Variants in STXBP6 observed in about 807,000 individuals in gnomAD.
STXBP6 encodes the protein syntaxin binding protein 6.
A neutral mutation model predicts 26.9 loss-of-function variants in STXBP6; 21 were observed. The ratio of observed to expected loss-of-function variants is 0.78; its 90% CI spans 0.55 to 1.12. The LOEUF is 1.12. Among genes scored for constraint, STXBP6 ranks in the 50% most tolerant of loss-of-function variants. The pLI is 0.00. For synonymous variants in STXBP6, 97 were observed against 92.6 expected (o/e 1.05, Z -0.27); for missense variants, 232 against 257.9 (o/e 0.90, Z 0.69).
rs74598516 is a variant in STXBP6, at chr14:24,978,419, C to T, written c.-32-3569G>A. ...GGAGAGAATATAGGAAGACAATGCACAGGATTTTTTTCTCTCCATCTAAGC... is the reference window on the plus strand; with the variant it reads ...GGAGAGAATATAGGAAGACAATGCATAGGATTTTTTTCTCTCCATCTAAGC... On this transcript the variant is annotated intron_variant, in intron 1 of 5. Coordinates refer to ENST00000323944, the MANE Select transcript of STXBP6 (RefSeq NM_001394410.1). Among the ~76,000 whole-genome samples the T allele has an allele frequency of 4.1e-3, 621 of 152,290 alleles. 13 individuals carry two copies. The East Asian group carries it at 0.042, about 10-fold the overall frequency.
At chr14:24,890,307 C>T (rs373481889) in intron 2 of STXBP6, among the ~76,000 whole-genome samples, 1 of 152,176 alleles carries the variant, frequency 6.6e-6, no homozygotes, top group African/African-American at 2.4e-5. Flanking sequence ...TCCTTCTAGC[C>T]CCTGCAGTAC....
chr14:25,012,862 T>A (rs1458707962), intron 1 of STXBP6, among the ~76,000 whole-genome samples: 2 of 152,100 alleles, frequency 1.3e-5, no homozygotes, highest in Non-Finnish European at 1.5e-5. Context: ...AGGTTATATA[T>A]CAAAAGGATT....
intron 2 of STXBP6, among the ~76,000 whole-genome samples, chr14:24,934,798 G>A (rs2072539551): frequency 6.6e-6 from 1 of 152,030 alleles, no homozygotes; most frequent in Non-Finnish European, 1.5e-5. Context: ...AATCAATAAA[G>A]TCACTCTCTA....
intron 2 of STXBP6, among the ~76,000 whole-genome samples, chr14:24,899,805 A>AC (rs1158709670): frequency 1.4e-5 from 2 of 147,862 alleles, no homozygotes; most frequent in African/African-American, 5.0e-5. Context: ...AAAAAGCAAA[A>AC]AAAAAAAAAA....
chr14:24,943,113 T>C (rs970599293), intron 2 of STXBP6, among the ~76,000 whole-genome samples: 3 of 152,178 alleles, frequency 2.0e-5, no homozygotes, highest in African/African-American at 7.2e-5. Flanking sequence ...ACCCTGATTC[T>C]GGCACTGGGG....
At chr14:24,962,561 C>G (rs1199696165) in intron 2 of STXBP6, among the ~76,000 whole-genome samples, 2 of 152,028 alleles carry the variant, frequency 1.3e-5, no homozygotes, top group Non-Finnish European at 2.9e-5. Flanking sequence ...CTCCTGACCT[C>G]AAGTGATCCG....
chr14:24,878,741 C>T lies in STXBP6; in HGVS notation c.155-21584G>A, dbSNP rs558299396. The T allele has an allele frequency of 1.4e-4, 64 of 444,358 alleles. 1 individual carries two copies. Among genetic ancestry groups the T allele is most frequent in the South Asian group, 1.9e-4 (12 of 62,110 alleles). The allele number at this position is 444,358 out of a possible 1,614,324, so 27.5% of individuals were successfully genotyped here. A position where few individuals can be genotyped will look rare whatever the true frequency, so the allele number is the denominator to read the frequency against. ...CGCTGGGATGTTCAACCATAACACACGTTTCATCCTCATTAGCTGGTCTTC... is the reference window on the plus strand; with the variant it reads ...CGCTGGGATGTTCAACCATAACACATGTTTCATCCTCATTAGCTGGTCTTC... On this transcript the variant is annotated intron_variant, in intron 2 of 5. Transcript: ENST00000323944.
intron 2 of STXBP6, among the ~76,000 whole-genome samples, chr14:24,900,615 A>G (rs747078593): frequency 6.6e-6 from 1 of 152,196 alleles, no homozygotes; most frequent in African/African-American, 2.4e-5. Flanking sequence ...AAGTTCTACA[A>G]AATTATTCCC....
intron 1 of STXBP6, among the ~76,000 whole-genome samples, chr14:25,046,297 T>C (rs1309459724): frequency 6.6e-6 from 1 of 152,158 alleles, no homozygotes. Context: ...GAAAAACCAT[T>C]GAAATTAACT....
chr14:25,013,725 T>A (rs2075085403), intron 1 of STXBP6, among the ~76,000 whole-genome samples: 2 of 143,458 alleles, frequency 1.4e-5, no homozygotes, highest in African/African-American at 2.6e-5. Flanking sequence ...ACAGAATAAA[T>A]GATCCCATTT....
rs529403780 is a variant in STXBP6, at chr14:25,036,202, G to A, written c.-33+13676C>T. Among the ~76,000 whole-genome samples, 71 of 117,196 alleles carry A rather than the reference G, an allele frequency of 6.1e-4. 1 individual carries two copies. Among genetic ancestry groups the A allele is most frequent in the African/African-American group, 2.1e-3 (64 of 30,638 alleles). 76.9% of individuals were successfully genotyped at this position (117,196 alleles called of 152,430 possible). On this transcript the variant is annotated intron_variant, in intron 1 of 5. Transcript: ENST00000323944. ...ACTGCACTCCAGCCTAGGCAACAGA[G>A]CAAGACTCCATCAAAAAAAAAAAAA...
chr14:24,810,900 T>TGTGTGTGTGTGTGTGC lies in STXBP6; in HGVS notation c.*1808_*1809insGCACACACACACACAC, dbSNP rs1474648802. 3.9e-5 allele frequency: 6 copies of TGTGTGTGTGTGTGTGC among 152,096 alleles called. No homozygotes were observed. Among genetic ancestry groups the TGTGTGTGTGTGTGTGC allele is most frequent in the African/African-American group, 1.5e-4 (6 of 41,322 alleles). The allele number at this position is 152,096 out of a possible 1,614,324, so 9.4% of individuals were successfully genotyped here. A position where few individuals can be genotyped will look rare whatever the true frequency, so the allele number is the denominator to read the frequency against. ...GTGTGTGTGTGTGTGTGTGTGTGTG[T>TGTGTGTGTGTGTGTGC]GCATTCTGAACTGAGATCTGCAAAC... On this transcript the variant is annotated 3_prime_UTR_variant, in exon 6 of 6. Transcript: ENST00000323944.
At chr14:24,829,017 AG>A (rs2068373662) in intron 4 of STXBP6, among the ~76,000 whole-genome samples, 4 of 152,296 alleles carry the variant, frequency 2.6e-5, no homozygotes, top group African/African-American at 7.2e-5. Flanking sequence ...TGAGATACTC[AG>A]GGACTCAAGT....
chr14:24,816,325 A>G (rs1010960778), intron 5 of STXBP6: 1 of 152,194 alleles, frequency 6.6e-6, no homozygotes, highest in Non-Finnish European at 1.5e-5. Context: ...GTCCAGTAAA[A>G]TGACAGCTTC....
intron 2 of STXBP6, among the ~76,000 whole-genome samples, chr14:24,960,737 A>ATTGTTTGATTATTGT (rs1293610004): frequency 7.9e-5 from 12 of 152,218 alleles, no homozygotes; most frequent in African/African-American, 2.9e-4. Flanking sequence ...ATCAAACTTG[A>ATTGTTTGATTATTGT]GAAGAAAGAG....
intron 1 of STXBP6, among the ~76,000 whole-genome samples, chr14:24,986,114 G>C (rs2140261806): frequency 6.6e-6 from 1 of 152,344 alleles, no homozygotes; most frequent in East Asian, 1.9e-4. Flanking sequence ...ATTAATCACA[G>C]TGGGGACTCT....
intron 2 of STXBP6, among the ~76,000 whole-genome samples, chr14:24,902,499 G>C (rs768241300): frequency 2.0e-5 from 3 of 152,178 alleles, no homozygotes; most frequent in Non-Finnish European, 2.9e-5. Context: ...GCCTACCATA[G>C]ATGCTTCGTT....
chr14:25,013,466 TCACACA>T lies in STXBP6; in HGVS notation c.-33+36406_-33+36411del, dbSNP rs3219652. Among the ~76,000 whole-genome samples, 559 of 143,332 alleles carry T rather than the reference TCACACA, an allele frequency of 3.9e-3. 3 individuals are homozygous for T. Among genetic ancestry groups the T allele is most frequent in the Admixed American group, 9.6e-3 (138 of 14,330 alleles). 94.0% of individuals were successfully genotyped at this position (143,332 alleles called of 152,430 possible). A position where few individuals can be genotyped will look rare whatever the true frequency, so the allele number is the denominator to read the frequency against. On this transcript the variant is annotated intron_variant, in intron 1 of 5. Coordinates refer to ENST00000323944, the MANE Select transcript of STXBP6 (RefSeq NM_001394410.1). The stretch of plus-strand genomic sequence containing the variant: ...ACCATTGGCTATCAACATCTCTCTT[TCACACA>T]CACACACACACACACACACACACAC...
At chr14:24,854,072 T>C (rs1460834300) in intron 4 of STXBP6, among the ~76,000 whole-genome samples, 2 of 152,070 alleles carry the variant, frequency 1.3e-5, no homozygotes, top group Non-Finnish European at 1.5e-5. Flanking sequence ...TCATTTATTG[T>C]ATGATTGGAT....
Sources: allele counts gnomAD v4.1 joint callset (sites outside exome capture counted in the v4.1 genomes callset), GRCh38; gene constraint gnomAD v4.1.1; transcripts MANE v1.5; gene names NCBI Gene and HGNC (gene_info 2026-07-23, HGNC 2026-07-21).